Variants in DLG2 observed in about 807,000 individuals in gnomAD.
The protein encoded by DLG2 is disks large homolog 2.
Under a neutral mutation model 132.5 loss-of-function variants are expected in DLG2, and 45 were observed. The ratio of observed to expected loss-of-function variants is 0.34; its 90% CI spans 0.27 to 0.44. The LOEUF (loss-of-function observed/expected upper bound fraction) is 0.44. DLG2 is among the 20% of genes least tolerant of loss of function. The probability of loss-of-function intolerance (pLI) is 1.00; values close to 1 mark genes in which losing one functional copy is unlikely to be tolerated. For synonymous variants in DLG2, 424 were observed against 419.6 expected, an observed-to-expected ratio of 1.01 and a Z score of -0.13; for missense variants, 1,045 against 1,196.9, an observed-to-expected ratio of 0.87 and a Z score of 1.87.
rs144728674 is a variant in DLG2 at position 83,950,098 on chromosome 11, C to T, written c.1340+12787G>A. On this transcript the variant is annotated intron_variant, in intron 14 of 27. Coordinates refer to ENST00000376104, the MANE Select transcript of DLG2 (RefSeq NM_001142699.3). ...GGGTTAGTCAACATCAGTTACCTCA[C>T]GTGTAAAAGGGGGTAATTATAGCTG... 2.2e-3 allele frequency among the ~76,000 whole-genome samples: 338 copies of T among 152,206 alleles called. 1 individual carries two copies. Among genetic ancestry groups the T allele is most frequent in the Non-Finnish European group, 3.8e-3 (258 of 68,004 alleles).
intron 6 of DLG2, among the ~76,000 whole-genome samples, chr11:85,039,330 T>C (rs911948737): frequency 6.6e-6 from 1 of 151,904 alleles, no homozygotes; most frequent in East Asian, 1.9e-4. Flanking sequence ...ATATCTTATA[T>C]CCAGTCTAGG....
chr11:83,699,905 GTATC>G (rs1369416016), intron 18 of DLG2, among the ~76,000 whole-genome samples: 1,382 of 129,380 alleles, frequency 0.011, 7 homozygotes, highest in Non-Finnish European at 0.016. Context: ...ATGTATGTAT[GTATC>G]TATCTTATCT....
At chr11:83,818,293 A>G (rs543361973) in intron 17 of DLG2, among the ~76,000 whole-genome samples, 2 of 152,216 alleles carry the variant, frequency 1.3e-5, no homozygotes, top group East Asian at 3.9e-4. Context: ...ATTGGACTTC[A>G]TGTTCTTCCT....
At chr11:84,152,340 G>GT (rs561322110) in intron 9 of DLG2, among the ~76,000 whole-genome samples, 12,505 of 148,340 alleles carry the variant, frequency 0.084, 642 homozygotes, top group African/African-American at 0.15. Context: ...CTGTTTGTTT[G>GT]TTTGTTTTTT....
chr11:83,459,887 G>C lies in DLG2; in HGVS notation c.2859C>G (p.Asn953Lys), dbSNP rs779774035. The change falls in exon 28 of 28, where the codon AAC (asparagine) becomes AAG (lysine). Residue 953 changes from asparagine (N) to lysine (K), a missense_variant. Coordinates refer to ENST00000376104, the MANE Select transcript of DLG2 (RefSeq NM_001142699.3). ...VQGDTLEDIY[N>K]QCKLVIEEQS... ...GCTCTTCAATAACAAGCTTGCATTG[G>C]TTATATATATCTTCTAAAGTATCTC... The C allele has an allele frequency of 6.2e-7, 1 of 1,609,436 alleles. No individual in the cohort carries two copies. The highest frequency in any genetic ancestry group is 8.5e-7 in the Non-Finnish European group (1 of 1,175,784).
intron 6 of DLG2, among the ~76,000 whole-genome samples, chr11:84,826,806 C>T (rs1187188085): frequency 6.6e-6 from 1 of 151,808 alleles, no homozygotes; most frequent in Admixed American, 6.6e-5. Context: ...TTTGGTCCTT[C>T]CTCCACACAA....
At chr11:85,461,696 A>G (rs2092620104) in intron 3 of DLG2, among the ~76,000 whole-genome samples, 1 of 152,238 alleles carries the variant, frequency 6.6e-6, no homozygotes, top group Non-Finnish European at 1.5e-5. Flanking sequence ...TGCAGCAGCA[A>G]AAAAGGAGAC....
rs184918627 is a variant in DLG2 at position 85,553,936 on chromosome 11, T to C, written c.40+44721A>G. ...TCATAGTTTAAGTTTCCATTTTATA[T>C]GGATATACAGAATATTTAGAAAGTA... On this transcript the variant is annotated intron_variant, in intron 3 of 27. Transcript: ENST00000376104. Among the ~76,000 whole-genome samples the C allele has an allele frequency of 9.0e-4, 136 of 151,426 alleles. 3 individuals carry two copies. The East Asian group carries it at 0.02, about 23-fold the overall frequency.
In DLG2 at chr11:85,626,119, TAA is replaced by T. The variant is rs199633329; in HGVS notation, c.-93+466_-93+467del. Among the ~76,000 whole-genome samples, 1,275 of 152,352 alleles carry T rather than the reference TAA, an allele frequency of 8.4e-3. 6 individuals carry two copies. The highest frequency in any genetic ancestry group is 0.011 in the Non-Finnish European group (736 of 68,022). ...TTTACACTAGAATAAATCCAAATAA[TAA>T]GTCTATTTTTTAACCAAAAGATAAA... On this transcript the variant is annotated intron_variant, in intron 2 of 27. Transcript: ENST00000376104.
intron 20 of DLG2, among the ~76,000 whole-genome samples, chr11:83,539,972 T>C (rs1436378126): frequency 3.3e-5 from 5 of 152,194 alleles, no homozygotes; most frequent in Non-Finnish European, 7.4e-5. Flanking sequence ...CAGAAAACTG[T>C]ATAGTTCAAC....
intron 11 of DLG2, among the ~76,000 whole-genome samples, chr11:83,984,914 C>T (rs1014472833): frequency 1.3e-5 from 2 of 152,132 alleles, no homozygotes; most frequent in African/African-American, 4.8e-5. Context: ...CACTACTGAA[C>T]ACTAGAAAGA....
At chr11:85,370,975 A>T (rs565496049) in intron 3 of DLG2, among the ~76,000 whole-genome samples, 25 of 152,312 alleles carry the variant, frequency 1.6e-4, no homozygotes, top group Middle Eastern at 3.4e-3. Flanking sequence ...ATGTTAAGTT[A>T]TTGTAAGCCA....
At chr11:84,735,921 TTTA>T (rs2063770670) in intron 6 of DLG2, among the ~76,000 whole-genome samples, 1 of 152,008 alleles carries the variant, frequency 6.6e-6, no homozygotes, top group Admixed American at 6.6e-5. Flanking sequence ...ATGAATGCAA[TTTA>T]TTATTTTTTC....
intron 3 of DLG2, among the ~76,000 whole-genome samples, chr11:85,489,959 A>T (rs58261359): frequency 6.6e-6 from 1 of 152,086 alleles, no homozygotes; most frequent in Admixed American, 6.6e-5. Context: ...AGACCAAGCT[A>T]TAAGGATTTT....
intron 7 of DLG2, among the ~76,000 whole-genome samples, chr11:84,385,614 C>T (rs979126909): frequency 6.6e-6 from 1 of 152,066 alleles, no homozygotes; most frequent in South Asian, 2.1e-4. Context: ...TCTAGAGAAC[C>T]AGGACCCTGT....
intron 11 of DLG2, among the ~76,000 whole-genome samples, chr11:83,982,817 C>T (rs565614360): frequency 1.3e-5 from 2 of 152,088 alleles, no homozygotes; most frequent in African/African-American, 2.4e-5. Context: ...TACAGATGTA[C>T]CGTTGTTTAT....
chr11:85,458,432 G>C (rs112768357), intron 3 of DLG2, among the ~76,000 whole-genome samples: 1 of 151,946 alleles, frequency 6.6e-6, no homozygotes, highest in Non-Finnish European at 1.5e-5. Context: ...TTCTATTTCT[G>C]TCATTTCAGC....
intron 20 of DLG2, among the ~76,000 whole-genome samples, chr11:83,539,614 T>C (rs1333184361): frequency 6.6e-6 from 1 of 151,392 alleles, no homozygotes; most frequent in Non-Finnish European, 1.5e-5. Context: ...AAAAGAAAAT[T>C]TGGCAGAAAT....
intron 6 of DLG2, among the ~76,000 whole-genome samples, chr11:84,674,414 A>G (rs566904278): frequency 4.8e-4 from 73 of 152,226 alleles, no homozygotes; most frequent in Admixed American, 7.2e-4. Context: ...ATTGAGCCTT[A>G]CTAAGTAACA....
Sources: allele counts gnomAD v4.1 joint callset (sites outside exome capture counted in the v4.1 genomes callset), GRCh38; gene constraint gnomAD v4.1.1; transcripts MANE v1.5; gene names NCBI Gene and HGNC (gene_info 2026-07-23, HGNC 2026-07-21).